TOR1AIP2: variants seen among roughly 807,000 people sequenced by gnomAD.
TOR1AIP2 encodes the protein torsin-1A-interacting protein 2.
A neutral mutation model predicts 32.6 loss-of-function variants in TOR1AIP2; 20 were observed. The ratio of observed to expected loss-of-function variants is 0.61; its 90% CI spans 0.43 to 0.89. TOR1AIP2 has a LOEUF of 0.89. Ranked by LOEUF, TOR1AIP2 falls within the 40% of genes least tolerant of loss-of-function variation. The pLI is 0.00. For missense variants in TOR1AIP2, 456 were observed against 553.8 expected, an observed-to-expected ratio of 0.82 and a Z score of 1.77; for synonymous variants, 214 against 210.8, an observed-to-expected ratio of 1.02 and a Z score of -0.13.
intron 2 of TOR1AIP2, chr1:179,874,305 T>C (rs1041652653): frequency 1.3e-5 from 2 of 152,240 alleles, no homozygotes; most frequent in Non-Finnish European, 2.9e-5. Flanking sequence ...TCTCAGTTAT[T>C]TGGGAGACTG....
intron 3 of TOR1AIP2, chr1:179,863,039 A>C (rs980622684): frequency 6.1e-6 from 1 of 164,426 alleles, no homozygotes; most frequent in African/African-American, 2.4e-5. Context: ...ATCCTGGCCA[A>C]CAATGGTGAA....
At chr1:179,876,641 T>C (rs1280262987) in intron 2 of TOR1AIP2, among the ~76,000 whole-genome samples, 1 of 142,156 alleles carries the variant, frequency 7.0e-6, no homozygotes, top group African/African-American at 2.5e-5. Context: ...CATCTTGTGC[T>C]CAAAAAAAAA....
chr1:179,859,892 A>G, intron 3 of TOR1AIP2: 1 of 930,252 alleles, frequency 1.1e-6, no homozygotes, highest in Non-Finnish European at 1.3e-6. Context: ...CAGTAGTACC[A>G]TCATAGCTCA....
intron 3 of TOR1AIP2, among the ~76,000 whole-genome samples, chr1:179,855,072 T>C (rs567701523): frequency 6.6e-6 from 1 of 152,300 alleles, no homozygotes; most frequent in Non-Finnish European, 1.5e-5. Flanking sequence ...GGGGAAAAAT[T>C]AGATTTCTGT....
At chr1:179,864,697 A>T (rs1696695300) in intron 3 of TOR1AIP2, 1 of 1,505,364 alleles carries the variant, frequency 6.6e-7, no homozygotes, top group Admixed American at 2.3e-5. Flanking sequence ...TCTGGGTCAG[A>T]CTTAGAAATG....
chr1:179,852,289 G>A (rs1696147088), intron 4 of TOR1AIP2, among the ~76,000 whole-genome samples: 2 of 150,842 alleles, frequency 1.3e-5, no homozygotes, highest in African/African-American at 4.9e-5. Flanking sequence ...GAGAAGAAGA[G>A]GAAGAAGAAA....
chr1:179,857,622 G>A (rs1571673534), intron 3 of TOR1AIP2, among the ~76,000 whole-genome samples: 1 of 152,170 alleles, frequency 6.6e-6, no homozygotes, highest in South Asian at 2.1e-4. Flanking sequence ...GTGACATTGT[G>A]TGGTATACCA....
At chr1:179,874,828 C>T (rs1012675487) in intron 2 of TOR1AIP2, 1 of 152,114 alleles carries the variant, frequency 6.6e-6, no homozygotes, top group Non-Finnish European at 1.5e-5. Context: ...ATAAGTCAGC[C>T]TCCAGGATCA....
chr1:179,853,303 C>T (rs904133701), intron 3 of TOR1AIP2, among the ~76,000 whole-genome samples: 1 of 152,164 alleles, frequency 6.6e-6, no homozygotes, highest in African/African-American at 2.4e-5. Context: ...TACCACTACA[C>T]ATTTGGACTG....
intron 3 of TOR1AIP2, chr1:179,859,655 C>T: frequency 2.0e-6 from 2 of 985,364 alleles, no homozygotes; most frequent in South Asian, 9.4e-5. Context: ...GCAATTATAT[C>T]TACCATAATT....
At chr1:179,853,239 A>T (rs1299298650) in intron 3 of TOR1AIP2, among the ~76,000 whole-genome samples, 1 of 152,248 alleles carries the variant, frequency 6.6e-6, no homozygotes, top group Non-Finnish European at 1.5e-5. Flanking sequence ...ACTTATATTA[A>T]AAAGTAACAA....
Position 179,851,189 on chromosome 1 carries a change from G to T in TOR1AIP2, c.209C>A (p.Ser70Ter). Residue 70 changes from serine to a stop codon, truncating the protein, a stop_gained, in exon 5 of 7, where the codon TCA becomes TAA. Transcript: ENST00000609928. LOFTEE classifies it high-confidence loss of function. ...CACATTTGCTTCATCTGGACTTTCT[G>T]ATTTATCACCTGTATCTGCACTTTC... ...GPESADTGDKSESPDEANVGK... is the reference protein window; with the variant it reads ...GPESADTGDK 6.2e-7 allele frequency: 1 copy of T among 1,613,936 alleles called. No individual in the cohort carries two copies. The highest frequency in any genetic ancestry group is 8.5e-7 in the Non-Finnish European group (1 of 1,179,996).
chr1:179,864,029 C>T, intron 3 of TOR1AIP2: 5 of 985,356 alleles, frequency 5.1e-6, no homozygotes, highest in Non-Finnish European at 6.0e-6. Context: ...TTTTCCATTT[C>T]CAGGGGAGGA....
chr1:179,861,804 A>G (rs773919081), intron 3 of TOR1AIP2: 126 of 984,052 alleles, frequency 1.3e-4, no homozygotes, highest in Admixed American at 1.8e-4. Context: ...CATTTCTCAA[A>G]GTATGGTCTA....
In TOR1AIP2 at chr1:179,845,814, A is replaced by G. The variant is rs1695881341; in HGVS notation, c.*257T>C. On this transcript the variant is annotated 3_prime_UTR_variant, in exon 7 of 7. Transcript: ENST00000609928. ...ATTTTAGAATTTAAAAAAAATTCTC[A>G]TATATATCATCGATATTTCAAACCT... 5.1e-6 allele frequency: 2 copies of G among 391,910 alleles called. No individual in the cohort carries two copies. The highest frequency in any genetic ancestry group is 9.0e-6 in the Non-Finnish European group (2 of 222,278). 24.3% of individuals were successfully genotyped at this position (391,910 alleles called of 1,614,324 possible). A position where few individuals can be genotyped will look rare whatever the true frequency, so the allele number is the denominator to read the frequency against.
intron 5 of TOR1AIP2, among the ~76,000 whole-genome samples, chr1:179,850,411 G>C (rs1223769497): frequency 6.6e-6 from 1 of 152,186 alleles, no homozygotes; most frequent in Non-Finnish European, 1.5e-5. Flanking sequence ...TAAGGATACT[G>C]TCCCATTAAT....
At chr1:179,870,510 A>C (rs1696974864) in intron 2 of TOR1AIP2, among the ~76,000 whole-genome samples, 1 of 152,212 alleles carries the variant, frequency 6.6e-6, no homozygotes, top group Non-Finnish European at 1.5e-5. Flanking sequence ...ATTAGGCACT[A>C]TGGTTCCTAA....
rs1299731695 is a variant in TOR1AIP2 at position 179,840,083 on chromosome 1, A to G, written c.*5988T>C. 3.3e-5 allele frequency: 5 copies of G among 152,272 alleles called. No individual in the cohort carries two copies. The highest frequency in any genetic ancestry group is 1.2e-4 in the African/African-American group (5 of 41,470). The allele number at this position is 152,272 out of a possible 1,614,324, so 9.4% of individuals were successfully genotyped here. A position where few individuals can be genotyped will look rare whatever the true frequency, so the allele number is the denominator to read the frequency against. On this transcript the variant is annotated 3_prime_UTR_variant, in exon 7 of 7. Coordinates refer to ENST00000609928, the MANE Select transcript of TOR1AIP2 (RefSeq NM_001199260.2). ...AGCAATCCCTGTTATACAGAAAGGG[A>G]GTGCAGAGAAGTGGGACGTTAGTAT...
chr1:179,866,407 CTTGT>C (rs527243435), intron 2 of TOR1AIP2, among the ~76,000 whole-genome samples: 40 of 151,442 alleles, frequency 2.6e-4, no homozygotes, highest in South Asian at 1.0e-3. Flanking sequence ...GTTTGTTATT[CTTGT>C]TTGTTTTTTT....
Sources: gnomAD v4.1 joint callset for allele counts (sites outside exome capture counted in the v4.1 genomes callset) on GRCh38, gnomAD v4.1.1 for gene constraint, MANE v1.5 for transcripts, NCBI Gene and HGNC (gene_info 2026-07-23, HGNC 2026-07-21) for gene names.